The following XYLT1 variants were observed in gnomAD, a reference collection of about 807,000 sequenced individuals.
The protein encoded by XYLT1 is xylosyltransferase 1.
Under a neutral mutation model 91.3 loss-of-function variants are expected in XYLT1, and 36 were observed. The observed-to-expected ratio is 0.39, with a 90% confidence interval of 0.30 to 0.52. The LOEUF (loss-of-function observed/expected upper bound fraction) is 0.52. Ranked by LOEUF, XYLT1 falls within the 20% of genes least tolerant of loss-of-function variation. The pLI, the probability that XYLT1 is intolerant of heterozygous loss-of-function variation, is 0.68. For missense variants in XYLT1, 1,242 were observed against 1,284.5 expected (o/e 0.97, Z 0.51); for synonymous variants, 588 against 532.0 (o/e 1.11, Z -1.45).
intron 6 of XYLT1, among the ~76,000 whole-genome samples, chr16:17,142,517 T>G (rs1488912063): frequency 6.9e-6 from 1 of 145,588 alleles, no homozygotes; most frequent in Admixed American, 7.2e-5. Flanking sequence ...CACAGTAACC[T>G]CCGCTTCCTG....
chr16:17,425,241 G>A (rs190110223), intron 1 of XYLT1, among the ~76,000 whole-genome samples: 4 of 152,264 alleles, frequency 2.6e-5, no homozygotes, highest in East Asian at 1.9e-4. Flanking sequence ...ACTTCCTTCC[G>A]TAGCCAGATG....
At chr16:17,202,353 G>A (rs1314949424) in intron 3 of XYLT1, among the ~76,000 whole-genome samples, 3 of 152,184 alleles carry the variant, frequency 2.0e-5, no homozygotes, top group African/African-American at 4.8e-5. Flanking sequence ...CTCTTTCTAC[G>A]TAGTTCCAGG....
At chr16:17,424,311 C>T (rs1260043217) in intron 1 of XYLT1, among the ~76,000 whole-genome samples, 1 of 152,198 alleles carries the variant, frequency 6.6e-6, no homozygotes, top group Non-Finnish European at 1.5e-5. Flanking sequence ...GAGAACTGAA[C>T]AAGATAAGGC....
At chr16:17,231,815 T>C (rs1420209089) in intron 3 of XYLT1, among the ~76,000 whole-genome samples, 2 of 152,126 alleles carry the variant, frequency 1.3e-5, no homozygotes, top group Non-Finnish European at 2.9e-5. Context: ...ATACTTATCA[T>C]GAATGGAGCT....
intron 5 of XYLT1, among the ~76,000 whole-genome samples, chr16:17,161,506 C>G (rs1409992293): frequency 6.6e-6 from 1 of 152,204 alleles, no homozygotes; most frequent in Non-Finnish European, 1.5e-5. Context: ...AATGCTAAAG[C>G]CCATCCCCCC....
intron 3 of XYLT1, among the ~76,000 whole-genome samples, chr16:17,204,126 A>G (rs929942556): frequency 4.6e-5 from 7 of 152,198 alleles, no homozygotes; most frequent in Admixed American, 3.9e-4. Context: ...GCCAGCCCTG[A>G]TATTTCCACT....
intron 2 of XYLT1, among the ~76,000 whole-genome samples, chr16:17,276,065 GAGAA>G (rs2033968608): frequency 6.6e-6 from 1 of 152,186 alleles, no homozygotes; most frequent in South Asian, 2.1e-4. Flanking sequence ...TGGGGAGAGA[GAGAA>G]AGAAATAGGC....
chr16:17,321,342 C>CTTTT lies in XYLT1; in HGVS notation c.402+36666_402+36669dup, dbSNP rs10606202. On this transcript the variant is annotated intron_variant, in intron 2 of 11. Transcript: ENST00000261381. ...GACAGTTCCCAAAGTACTAACTAGC[C>CTTTT]TTTTTTTTTTTTTTTTTTTTTTTTT... is the stretch of plus-strand genomic sequence containing the variant. 5.9e-3 allele frequency among the ~76,000 whole-genome samples: 256 copies of CTTTT among 43,632 alleles called. 45 individuals are homozygous for CTTTT. Among genetic ancestry groups the CTTTT allele is most frequent in the East Asian group, 0.018 (18 of 978 alleles). 28.6% of individuals were successfully genotyped at this position (43,632 alleles called of 152,430 possible). A position where few individuals can be genotyped will look rare whatever the true frequency, so the allele number is the denominator to read the frequency against.
chr16:17,394,775 C>T (rs969723315), intron 1 of XYLT1, among the ~76,000 whole-genome samples: 2 of 152,156 alleles, frequency 1.3e-5, no homozygotes, highest in African/African-American at 2.4e-5. Context: ...GGCAAAAGGT[C>T]AGCACCTACC....
At position 17,108,810 on chromosome 16, in the gene XYLT1, G is replaced by C. The variant is rs763707928; in HGVS notation, c.2765C>G (p.Thr922Arg). 23 of 1,612,160 alleles carry C rather than the reference G, an allele frequency of 1.4e-5. 1 individual carries two copies. The highest frequency in any genetic ancestry group is 1.1e-5 in the Non-Finnish European group (13 of 1,179,952). ...CATGACCGGGCAGGCTGTGGGGCCC[G>C]TGGCACAGATGTCCATGGCAGTCCA... Reference protein sequence around the residue: ...GMWTAMDICATGPTACPVMQT... With the variant: ...GMWTAMDICARGPTACPVMQT... The change falls in exon 12 of 12, where the codon ACG becomes AGG. Residue 922 changes from threonine to arginine, a missense_variant. Thr to Arg is a moderately conservative substitution (Grantham distance 71). Coordinates refer to ENST00000261381, the MANE Select transcript of XYLT1 (RefSeq NM_022166.4).
intron 1 of XYLT1, among the ~76,000 whole-genome samples, chr16:17,415,762 G>C (rs1044741905): frequency 1.3e-5 from 2 of 152,160 alleles, no homozygotes; most frequent in Non-Finnish European, 2.9e-5. Context: ...TGGAGGAAAA[G>C]GAGAAGCTGC....
intron 8 of XYLT1, among the ~76,000 whole-genome samples, chr16:17,137,362 C>G (rs1404033815): frequency 6.6e-6 from 1 of 152,218 alleles, no homozygotes; most frequent in East Asian, 1.9e-4. Flanking sequence ...ATCAAGGGCA[C>G]CTTGGCTGGG....
At chr16:17,129,072 GAAAAAAAAAAAAAAAA>G (rs34234422) in intron 9 of XYLT1, among the ~76,000 whole-genome samples, 2 of 95,220 alleles carry the variant, frequency 2.1e-5, no homozygotes, top group Admixed American at 1.3e-4. Flanking sequence ...AGGGAGCATA[GAAAAAAAAAAAAAAAA>G]AAAAAAAAAC....
In XYLT1 at chr16:17,338,485, A is replaced by C. The variant is rs150678815; in HGVS notation, c.402+19527T>G. On this transcript the variant is annotated intron_variant, in intron 2 of 11. Transcript: ENST00000261381. Reference sequence around the variant, plus strand: ...GCCGGGCTGGCTGGAAAGACTTTATAAAGGAAGAGGAGCCTTGTGCTCCAT... The same window carrying C: ...GCCGGGCTGGCTGGAAAGACTTTATCAAGGAAGAGGAGCCTTGTGCTCCAT... 92 of 456,498 alleles carry C rather than the reference A, an allele frequency of 2.0e-4. No homozygotes were observed. In the East Asian group the frequency reaches 2.7e-3, roughly 13 times the overall value. The allele number at this position is 456,498 out of a possible 1,614,324, so 28.3% of individuals were successfully genotyped here. A position where few individuals can be genotyped will look rare whatever the true frequency, so the allele number is the denominator to read the frequency against.
At chr16:17,135,569 A>C (rs927064187) in intron 8 of XYLT1, among the ~76,000 whole-genome samples, 4 of 151,784 alleles carry the variant, frequency 2.6e-5, no homozygotes, top group African/African-American at 9.7e-5. Flanking sequence ...AGCTCAAAAA[A>C]AAAAAAAAAA....
chr16:17,422,696 C>CG (rs1489318460), intron 1 of XYLT1, among the ~76,000 whole-genome samples: 1 of 152,068 alleles, frequency 6.6e-6, no homozygotes, highest in Non-Finnish European at 1.5e-5. Flanking sequence ...TTAGTAGAGA[C>CG]GGGGTTTCAC....
intron 1 of XYLT1, among the ~76,000 whole-genome samples, chr16:17,386,990 G>T (rs2035755604): frequency 1.3e-5 from 2 of 152,162 alleles, no homozygotes; most frequent in South Asian, 4.1e-4. Flanking sequence ...CTCAAAGAGG[G>T]CACAGAACAG....
intron 3 of XYLT1, among the ~76,000 whole-genome samples, chr16:17,230,731 C>T (rs2033145054): frequency 6.6e-6 from 1 of 152,168 alleles, no homozygotes; most frequent in Non-Finnish European, 1.5e-5. Context: ...TTTCTTTCAT[C>T]CTCCGGTCCC....
intron 2 of XYLT1, among the ~76,000 whole-genome samples, chr16:17,280,264 C>T (rs192742691): frequency 3.0e-4 from 45 of 152,272 alleles, no homozygotes; most frequent in African/African-American, 1.0e-3. Context: ...GTGGGTGAAT[C>T]GCTTGAACCC....
Sources: gnomAD v4.1 joint callset for allele counts (sites outside exome capture counted in the v4.1 genomes callset) on GRCh38, gnomAD v4.1.1 for gene constraint, MANE v1.5 for transcripts, NCBI Gene and HGNC (gene_info 2026-07-23, HGNC 2026-07-21) for gene names.